Variants in CNTNAP2 observed in about 807,000 individuals in gnomAD.
The protein encoded by CNTNAP2 is contactin associated protein 2.
A neutral mutation model predicts 155.2 loss-of-function variants in CNTNAP2; 98 were observed. That is an observed-to-expected ratio of 0.63 (90% CI 0.54 to 0.75). The LOEUF is 0.75. CNTNAP2 is among the 30% of genes least tolerant of loss of function. The probability of loss-of-function intolerance (pLI) is 0.00; values close to 1 mark genes in which losing one functional copy is unlikely to be tolerated. For synonymous variants in CNTNAP2, 651 were observed against 631.2 expected (o/e 1.03, Z -0.47); for missense variants, 1,727 against 1,688.1 (o/e 1.02, Z -0.40).
At chr7:146,214,077 T>C (rs2116887034) in intron 1 of CNTNAP2, among the ~76,000 whole-genome samples, 1 of 152,322 alleles carries the variant, frequency 6.6e-6, no homozygotes, top group Non-Finnish European at 1.5e-5. Context: ...TGCAAGTGCC[T>C]ACACAATATA....
At chr7:146,446,780 A>G (rs142257212) in intron 1 of CNTNAP2, among the ~76,000 whole-genome samples, 1 of 151,988 alleles carries the variant, frequency 6.6e-6, no homozygotes, top group Non-Finnish European at 1.5e-5. Context: ...TATACAGTAT[A>G]CTCACCTATG....
intron 13 of CNTNAP2, among the ~76,000 whole-genome samples, chr7:147,737,077 C>T (rs1440203195): frequency 6.6e-6 from 1 of 152,260 alleles, no homozygotes; most frequent in East Asian, 1.9e-4. Flanking sequence ...AGCTGCATTC[C>T]TTTGGAGGTG....
At chr7:146,196,094 T>C (rs1005154211) in intron 1 of CNTNAP2, among the ~76,000 whole-genome samples, 3 of 152,192 alleles carry the variant, frequency 2.0e-5, no homozygotes, top group African/African-American at 7.2e-5. Flanking sequence ...AATGCTGTAA[T>C]AACAAGAAGT....
chr7:146,495,889 A>G (rs1228459923), intron 1 of CNTNAP2, among the ~76,000 whole-genome samples: 1 of 152,180 alleles, frequency 6.6e-6, no homozygotes, highest in Non-Finnish European at 1.5e-5. Flanking sequence ...TCACCTTGCC[A>G]GAATTTCAAA....
At chr7:146,255,477 G>A (rs905392209) in intron 1 of CNTNAP2, among the ~76,000 whole-genome samples, 1 of 152,180 alleles carries the variant, frequency 6.6e-6, no homozygotes. Flanking sequence ...GGTGACCAGT[G>A]AGCCAAGACA....
intron 3 of CNTNAP2, among the ~76,000 whole-genome samples, chr7:147,040,926 A>G (rs925198847): frequency 6.6e-6 from 1 of 152,118 alleles, no homozygotes; most frequent in Non-Finnish European, 1.5e-5. Context: ...TAGGTTGATT[A>G]TATCTTCTAC....
intron 13 of CNTNAP2, among the ~76,000 whole-genome samples, chr7:147,659,789 G>C (rs960948138): frequency 3.9e-5 from 6 of 152,288 alleles, no homozygotes; most frequent in African/African-American, 1.4e-4. Flanking sequence ...CTAATGAGGT[G>C]ATGTAACATA....
chr7:146,633,846 A>C (rs1022826717), intron 1 of CNTNAP2, among the ~76,000 whole-genome samples: 1 of 151,200 alleles, frequency 6.6e-6, no homozygotes, highest in East Asian at 1.9e-4. Flanking sequence ...AAAAAAAAAA[A>C]AAAAAAAAAA....
At chr7:147,123,422 G>A (rs753758804) in intron 6 of CNTNAP2, among the ~76,000 whole-genome samples, 20 of 152,184 alleles carry the variant, frequency 1.3e-4, no homozygotes, top group Admixed American at 7.2e-4. Flanking sequence ...GACTATTCAC[G>A]CACACACAAC....
At chr7:147,447,402 T>C (rs1797758481) in intron 10 of CNTNAP2, among the ~76,000 whole-genome samples, 1 of 152,132 alleles carries the variant, frequency 6.6e-6, no homozygotes, top group South Asian at 2.1e-4. Context: ...GGTTATAGTA[T>C]TTGGGGTTAT....
At chr7:147,852,759 C>T (rs181506645) in intron 13 of CNTNAP2, among the ~76,000 whole-genome samples, 2 of 152,252 alleles carry the variant, frequency 1.3e-5, no homozygotes, top group African/African-American at 4.8e-5. Context: ...TGGTCCTTGA[C>T]ATTGTGAGTG....
chr7:147,438,008 T>C (rs1376518998), intron 10 of CNTNAP2, among the ~76,000 whole-genome samples: 1 of 152,136 alleles, frequency 6.6e-6, no homozygotes, highest in Non-Finnish European at 1.5e-5. Context: ...ATAGTTTTTT[T>C]GTGTGCAGTC....
At chr7:146,842,995 T>G (rs1451191983) in intron 3 of CNTNAP2, among the ~76,000 whole-genome samples, 1 of 7,856 alleles carries the variant, frequency 1.3e-4, no homozygotes, top group African/African-American at 1.0e-3. Context: ...TGTCCCACAC[T>G]TTTTTTTTTT....
chr7:147,822,924 G>T (rs1334188062), intron 13 of CNTNAP2, among the ~76,000 whole-genome samples: 1 of 152,158 alleles, frequency 6.6e-6, no homozygotes, highest in African/African-American at 2.4e-5. Context: ...AACTCTGCAA[G>T]AGACAAGGGT....
chr7:148,292,272 G>A (rs1797202966), intron 21 of CNTNAP2, among the ~76,000 whole-genome samples: 1 of 152,176 alleles, frequency 6.6e-6, no homozygotes, highest in Admixed American at 6.5e-5. Flanking sequence ...GTAAAGTGAA[G>A]CTTATTGAAC....
At chr7:147,311,972 T>G (rs1017301101) in intron 9 of CNTNAP2, among the ~76,000 whole-genome samples, 1 of 152,200 alleles carries the variant, frequency 6.6e-6, no homozygotes, top group East Asian at 1.9e-4. Flanking sequence ...ATTATTAAAT[T>G]TATTATTATT....
At chr7:147,949,523 T>C (rs2116827705) in intron 14 of CNTNAP2, among the ~76,000 whole-genome samples, 1 of 151,490 alleles carries the variant, frequency 6.6e-6, no homozygotes, top group South Asian at 2.1e-4. Context: ...CCTGACTGGC[T>C]CAAGATGTCT....
At chr7:148,162,823 T>C (rs976038960) in intron 17 of CNTNAP2, among the ~76,000 whole-genome samples, 1 of 151,574 alleles carries the variant, frequency 6.6e-6, no homozygotes, top group Non-Finnish European at 1.5e-5. Context: ...TAGCAAGACC[T>C]TGTCTCTACA....
chr7:146,303,072 ATGTG>A (rs60828609), intron 1 of CNTNAP2, among the ~76,000 whole-genome samples: 8,195 of 136,312 alleles, frequency 0.06, 429 homozygotes, highest in African/African-American at 0.15. Flanking sequence ...CTTTGTGTGC[ATGTG>A]TGTGTGTGTG....
Sources: allele counts gnomAD v4.1 joint callset (sites outside exome capture counted in the v4.1 genomes callset), GRCh38; gene constraint gnomAD v4.1.1; transcripts MANE v1.5; gene names NCBI Gene and HGNC (gene_info 2026-07-23, HGNC 2026-07-21).